LIPA: variants seen among roughly 807,000 people sequenced by gnomAD.
The protein encoded by LIPA is lysosomal acid lipase/cholesteryl ester hydrolase.
Under a neutral mutation model 40.6 loss-of-function variants are expected in LIPA, and 26 were observed. The ratio of observed to expected loss-of-function variants is 0.64; its 90% CI spans 0.47 to 0.89. The LOEUF (loss-of-function observed/expected upper bound fraction) is 0.89, where lower values mean the gene tolerates loss of function less well. Among genes scored for constraint, LIPA ranks in the 40% least tolerant of loss-of-function variants. The pLI is 0.00. For synonymous variants in LIPA, 188 were observed against 168.4 expected (o/e 1.12, Z -0.90); for missense variants, 455 against 479.6 (o/e 0.95, Z 0.48).
At chr10:89,283,092 C>G (rs1254749833) in intron 1 of LIPA, among the ~76,000 whole-genome samples, 2 of 152,160 alleles carry the variant, frequency 1.3e-5, no homozygotes, top group Non-Finnish European at 2.9e-5. Flanking sequence ...TTTAAGTTCA[C>G]CCTGACAGTT....
At chr10:89,291,546 C>A (rs539728112) in intron 1 of LIPA, among the ~76,000 whole-genome samples, 1 of 152,056 alleles carries the variant, frequency 6.6e-6, no homozygotes, top group South Asian at 2.1e-4. Context: ...CTTAACTAGC[C>A]TTTTGATTTT....
At chr10:89,385,130 C>T (rs901408805) in intron 2 of LIPA, 1 of 165,692 alleles carries the variant, frequency 6.0e-6, no homozygotes, top group Non-Finnish European at 1.3e-5. Flanking sequence ...ATGCTGACTC[C>T]AGTCATTAGG....
intron 5 of LIPA, among the ~76,000 whole-genome samples, chr10:89,225,771 A>C (rs1015797814): frequency 6.6e-6 from 1 of 152,112 alleles, no homozygotes; most frequent in East Asian, 1.9e-4. Context: ...GTGTTGTGGG[A>C]GGGACCTGGT....
chr10:89,347,757 A>G (rs183840229), intron 2 of LIPA, among the ~76,000 whole-genome samples: 37 of 152,280 alleles, frequency 2.4e-4, no homozygotes, highest in African/African-American at 8.4e-4. Context: ...TGTCTATATT[A>G]AACTTTTAAC....
chr10:89,402,189 A>G (rs1420980155), intron 2 of LIPA: 1 of 775,410 alleles, frequency 1.3e-6, no homozygotes, highest in Non-Finnish European at 2.1e-6. Context: ...GATCCTTTCA[A>G]GGATAAGCAC....
intron 1 of LIPA, among the ~76,000 whole-genome samples, chr10:89,311,979 C>G (rs1156473119): frequency 2.6e-5 from 4 of 152,196 alleles, no homozygotes; most frequent in African/African-American, 7.2e-5. Flanking sequence ...TCTCTCCTCT[C>G]TCTCTGTCTG....
At chr10:89,407,692 A>G (rs1841434570) in intron 2 of LIPA, among the ~76,000 whole-genome samples, 1 of 152,156 alleles carries the variant, frequency 6.6e-6, no homozygotes, top group Non-Finnish European at 1.5e-5. Context: ...TTTATAGGAC[A>G]CAGGTAAGGT....
At chr10:89,215,816 A>G in intron 9 of LIPA, 122 bp downstream of exon 9, 1 of 782,780 alleles carries the variant, frequency 1.3e-6, no homozygotes, top group South Asian at 1.4e-5. Context: ...GAAAACAAAC[A>G]CTAGTCAACT....
intron 1 of LIPA, among the ~76,000 whole-genome samples, chr10:89,250,683 C>T (rs11815435): frequency 4.1e-4 from 62 of 152,324 alleles, no homozygotes; most frequent in African/African-American, 1.4e-3. Context: ...CCTGTATCAA[C>T]CGCCCAGAGG....
At chr10:89,217,194 C>T (rs779414012) in intron 8 of LIPA, among the ~76,000 whole-genome samples, 3 of 152,228 alleles carry the variant, frequency 2.0e-5, no homozygotes, top group Non-Finnish European at 4.4e-5. Context: ...AATGCTCAGA[C>T]ATTCTTTGTC....
intron 1 of LIPA, among the ~76,000 whole-genome samples, chr10:89,274,295 C>G (rs183057545): frequency 6.1e-4 from 93 of 152,308 alleles, no homozygotes; most frequent in African/African-American, 2.2e-3. Flanking sequence ...AGGAAACTCA[C>G]CTTTTAATGT....
chr10:89,231,700 AC>A (rs953424596), intron 3 of LIPA, among the ~76,000 whole-genome samples: 24 of 152,194 alleles, frequency 1.6e-4, no homozygotes, highest in Admixed American at 5.2e-4. Flanking sequence ...CTGGTCTCAA[AC>A]TCCTGGCCTC....
At chr10:89,372,945 G>T (rs1364433948) in intron 2 of LIPA, among the ~76,000 whole-genome samples, 1 of 152,174 alleles carries the variant, frequency 6.6e-6, no homozygotes, top group East Asian at 1.9e-4. Context: ...GTCTAGTTCA[G>T]TGATGTAAAT....
chr10:89,332,400 C>T, intron 1 of LIPA: 1 of 1,088,190 alleles, frequency 9.2e-7, no homozygotes, highest in Non-Finnish European at 1.3e-6. Flanking sequence ...GGAACATGTT[C>T]CTGGCGTGAG....
chr10:89,214,878 G>A lies in LIPA; in HGVS notation c.1150C>T (p.Pro384Ser), dbSNP rs894669079. The A allele has an allele frequency of 9.3e-6, 15 of 1,613,610 alleles. No individual in the cohort carries two copies. The highest frequency in any genetic ancestry group is 1.3e-5 in the Non-Finnish European group (15 of 1,179,618). Residue 384 changes from proline (P) to serine (S), a missense_variant, in exon 10 of 10, where the codon CCT becomes TCT. Coordinates refer to ENST00000336233, the MANE Select transcript of LIPA (RefSeq NM_000235.4). ...HLDFIWGLDA[P>S]WRLYNKIINL... The stretch of plus-strand genomic sequence containing the variant: ...ATAATTTTATTATAAAGCCTCCAAG[G>A]GGCATCCAGGCCCCAAATGAAGTCA...
At chr10:89,286,868 A>G (rs1262153583) in intron 1 of LIPA, among the ~76,000 whole-genome samples, 1 of 152,224 alleles carries the variant, frequency 6.6e-6, no homozygotes, top group African/African-American at 2.4e-5. Context: ...CTCCACTGTG[A>G]GAGAAACCCC....
Position 89,214,599 on chromosome 10 carries a change from C to T in LIPA, c.*229G>A, listed in dbSNP as rs1842595516. On this transcript the variant is annotated 3_prime_UTR_variant, in exon 10 of 10. Coordinates refer to ENST00000336233, the MANE Select transcript of LIPA (RefSeq NM_000235.4). ...ATTTAAAAGACTTAAAGAGACAATA[C>T]TATGGTTGAGACACTGGCTTCCTAT... 1 of 503,228 alleles carries T rather than the reference C, an allele frequency of 2.0e-6. No homozygotes were observed. The highest frequency in any genetic ancestry group is 1.9e-5 in the African/African-American group (1 of 51,912). The allele number at this position is 503,228 out of a possible 1,614,324, so 31.2% of individuals were successfully genotyped here.
chr10:89,307,644 CT>C (rs1349439669), intron 1 of LIPA: 1 of 337,240 alleles, frequency 3.0e-6, no homozygotes, highest in African/African-American at 2.0e-5. Context: ...GCAATTTGAA[CT>C]GTAACATTTG....
intron 1 of LIPA, chr10:89,332,398 T>A: frequency 9.3e-7 from 1 of 1,080,384 alleles, no homozygotes; most frequent in South Asian, 2.2e-5. Context: ...CTGGAACATG[T>A]TCCTGGCGTG....
Sources: gnomAD v4.1 joint callset for allele counts (sites outside exome capture counted in the v4.1 genomes callset) on GRCh38, gnomAD v4.1.1 for gene constraint, MANE v1.5 for transcripts, NCBI Gene and HGNC (gene_info 2026-07-23, HGNC 2026-07-21) for gene names.